SPIDR: variants seen among roughly 807,000 people sequenced by gnomAD.
SPIDR encodes scaffold protein involved in DNA repair.
SPIDR carries 93 observed loss-of-function variants against 104.6 expected under a neutral mutation model. That is an observed-to-expected ratio of 0.89 (90% CI 0.75 to 1.06). The LOEUF (loss-of-function observed/expected upper bound fraction) is 1.06, where lower values mean the gene tolerates loss of function less well. Among genes scored for constraint, SPIDR ranks in the 50% least tolerant of loss-of-function variants. SPIDR has a pLI of 0.00. For missense variants in SPIDR, 1,154 were observed against 1,111.2 expected, an observed-to-expected ratio of 1.04 and a Z score of -0.55; for synonymous variants, 431 against 416.9, an observed-to-expected ratio of 1.03 and a Z score of -0.41.
chr8:47,374,949 A>T (rs2058472881), intron 5 of SPIDR, among the ~76,000 whole-genome samples: 1 of 152,024 alleles, frequency 6.6e-6, no homozygotes, highest in African/African-American at 2.4e-5. Flanking sequence ...CCAGCTACTC[A>T]GGAGGCTGAG....
At chr8:47,448,060 C>G (rs953708818) in intron 8 of SPIDR, among the ~76,000 whole-genome samples, 12 of 152,190 alleles carry the variant, frequency 7.9e-5, no homozygotes, top group African/African-American at 2.9e-4. Flanking sequence ...CTTCCAGTAT[C>G]TCCAAGATAT....
chr8:47,662,461 T>C (rs952656163), intron 10 of SPIDR, among the ~76,000 whole-genome samples: 2 of 152,216 alleles, frequency 1.3e-5, no homozygotes, highest in Non-Finnish European at 2.9e-5. Flanking sequence ...CAATGAGCAC[T>C]ACTTTGCACC....
rs192129348 is a variant in SPIDR, at chr8:47,440,548, T to C, written c.1097+6T>C. On this transcript the variant is annotated splice_donor_region_variant and intron_variant, in intron 8 of 19. Coordinates refer to ENST00000297423, the MANE Select transcript of SPIDR (RefSeq NM_001080394.4). The stretch of plus-strand genomic sequence containing the variant: ...GTCCGGATCTTCCCTCCCTGGTGAG[T>C]GCGCAGAACTTAATCCAGCAGTCAC... The C allele has an allele frequency of 1.6e-5, 26 of 1,607,526 alleles. No homozygotes were observed. The highest frequency in any genetic ancestry group is 1.6e-4 in the East Asian group (7 of 44,716).
intron 1 of SPIDR, among the ~76,000 whole-genome samples, chr8:47,271,474 G>A (rs797027571): frequency 4.0e-5 from 6 of 151,298 alleles, no homozygotes; most frequent in African/African-American, 1.5e-4. Context: ...TCCTTTTTTT[G>A]CCAGGCCAAA....
chr8:47,309,344 AT>A (rs1312478155), intron 5 of SPIDR, among the ~76,000 whole-genome samples: 1 of 152,120 alleles, frequency 6.6e-6, no homozygotes, highest in African/African-American at 2.4e-5. Context: ...TTTTACTGTT[AT>A]TTTATATTAT....
chr8:47,706,163 C>T (rs1258379595), intron 14 of SPIDR, among the ~76,000 whole-genome samples: 3 of 152,056 alleles, frequency 2.0e-5, no homozygotes, highest in African/African-American at 2.4e-5. Flanking sequence ...GAGGCCAAGG[C>T]GGGTGGATCA....
At chr8:47,607,377 C>T (rs560628302) in intron 10 of SPIDR, among the ~76,000 whole-genome samples, 21 of 152,180 alleles carry the variant, frequency 1.4e-4, no homozygotes, top group Middle Eastern at 6.8e-3. Context: ...TTAACCTTTG[C>T]TTGTTTCCTC....
chr8:47,376,749 A>G (rs1239806720), intron 5 of SPIDR, among the ~76,000 whole-genome samples: 1 of 152,190 alleles, frequency 6.6e-6, no homozygotes, highest in African/African-American at 2.4e-5. Context: ...ATCAAGGTAC[A>G]TTGAGTGATG....
At chr8:47,403,978 G>A (rs930928276) in intron 6 of SPIDR, among the ~76,000 whole-genome samples, 1 of 152,164 alleles carries the variant, frequency 6.6e-6, no homozygotes, top group African/African-American at 2.4e-5. Flanking sequence ...AAGCAAAGCA[G>A]CATGGTACTG....
chr8:47,469,594 A>G (rs1215968158), intron 8 of SPIDR, among the ~76,000 whole-genome samples: 3 of 152,218 alleles, frequency 2.0e-5, no homozygotes, highest in African/African-American at 7.2e-5. Flanking sequence ...GCTAGAGACT[A>G]TTATCCTAAA....
At chr8:47,556,043 A>T (rs1320842637) in intron 8 of SPIDR, among the ~76,000 whole-genome samples, 1 of 152,164 alleles carries the variant, frequency 6.6e-6, no homozygotes, top group South Asian at 2.1e-4. Context: ...CCCTACACAG[A>T]TGCCCAATTT....
At position 47,313,010 on chromosome 8, in the gene SPIDR, A is replaced by G. The variant is rs587644964; in HGVS notation, c.525+18980A>G. Reference sequence around the variant, plus strand: ...TCCCGAAAACTGGCACAAGACAGGGATGCCCTCTCTCACCACTCCTATTCA... The same window carrying G: ...TCCCGAAAACTGGCACAAGACAGGGGTGCCCTCTCTCACCACTCCTATTCA... On this transcript the variant is annotated intron_variant, in intron 5 of 19. Transcript: ENST00000297423. Among the ~76,000 whole-genome samples the G allele has an allele frequency of 1.6e-3, 243 of 152,300 alleles. 2 individuals are homozygous for G. Among genetic ancestry groups the G allele is most frequent in the African/African-American group, 5.6e-3 (234 of 41,572 alleles).
Position 47,658,942 on chromosome 8 carries a change from C to CAA in SPIDR, c.1545-14842_1545-14841dup, listed in dbSNP as rs772463596. On this transcript the variant is annotated intron_variant, in intron 10 of 19. Transcript: ENST00000297423. ...CAAGAGCAAAACTCCATCTCCATCT[C>CAA]AAAAAAAAAAAAAAAAAAGAAAAGA... is the stretch of plus-strand genomic sequence containing the variant. 7.6e-3 allele frequency among the ~76,000 whole-genome samples: 548 copies of CAA among 71,930 alleles called. 3 individuals carry two copies. Among genetic ancestry groups the CAA allele is most frequent in the South Asian group, 0.029 (63 of 2,194 alleles). The allele number at this position is 71,930 out of a possible 152,430, so 47.2% of individuals were successfully genotyped here.
At chr8:47,272,348 C>T (rs2035510429) in intron 1 of SPIDR, among the ~76,000 whole-genome samples, 3 of 152,072 alleles carry the variant, frequency 2.0e-5, no homozygotes, top group Admixed American at 2.0e-4. Context: ...TTAAATTCTC[C>T]CATCCCCTCC....
intron 11 of SPIDR, among the ~76,000 whole-genome samples, chr8:47,676,101 A>G (rs905247752): frequency 6.6e-6 from 1 of 152,246 alleles, no homozygotes; most frequent in African/African-American, 2.4e-5. Flanking sequence ...GTCTCTCTAA[A>G]GGTCCTGTTC....
At position 47,540,047 on chromosome 8, in the gene SPIDR, T is replaced by TC. The variant is rs1369404447; in HGVS notation, c.1098-55759dup. 8.5e-5 allele frequency among the ~76,000 whole-genome samples: 13 copies of TC among 152,308 alleles called. 1 individual carries two copies. The highest frequency in any genetic ancestry group is 3.4e-3 in the Middle Eastern group (1 of 294). ...TATTGCTCCAAGTTGACTGTATTAT[T>TC]CCCCCACATTATGCTTGATAGGAGG... On this transcript the variant is annotated intron_variant, in intron 8 of 19. Transcript: ENST00000297423.
At chr8:47,358,841 T>C (rs2055110593) in intron 5 of SPIDR, among the ~76,000 whole-genome samples, 1 of 152,202 alleles carries the variant, frequency 6.6e-6, no homozygotes, top group African/African-American at 2.4e-5. Context: ...AGGATACATA[T>C]ATACAGACAT....
At chr8:47,509,781 ACTT>A (rs1405140913) in intron 8 of SPIDR, among the ~76,000 whole-genome samples, 4 of 152,144 alleles carry the variant, frequency 2.6e-5, no homozygotes, top group Admixed American at 2.6e-4. Context: ...ATATCTCTTG[ACTT>A]CTTGTCCTCT....
chr8:47,400,240 T>A (rs2061699614), intron 6 of SPIDR, among the ~76,000 whole-genome samples: 1 of 152,216 alleles, frequency 6.6e-6, no homozygotes, highest in Non-Finnish European at 1.5e-5. Context: ...GTCAGGTCAC[T>A]GTCAGGGAGT....
Sources: allele counts gnomAD v4.1 joint callset (sites outside exome capture counted in the v4.1 genomes callset), GRCh38; gene constraint gnomAD v4.1.1; transcripts MANE v1.5; gene names NCBI Gene and HGNC (gene_info 2026-07-23, HGNC 2026-07-21).